Variants in PLCB1 observed in about 807,000 individuals in gnomAD.
PLCB1 encodes the protein phospholipase C beta 1, also known as 1-phosphatidylinositol 4,5-bisphosphate phosphodiesterase beta-1.
PLCB1 carries 46 observed loss-of-function variants against 161.8 expected under a neutral mutation model. The observed-to-expected ratio is 0.28, with a 90% CI of 0.22 to 0.36. The LOEUF is 0.36. Among genes scored for constraint, PLCB1 ranks in the 10% least tolerant of loss-of-function variants. The pLI, the probability that PLCB1 is intolerant of heterozygous loss-of-function variation, is 1.00. For missense variants in PLCB1, 1,016 were observed against 1,472.5 expected (o/e 0.69, Z 5.07); for synonymous variants, 517 against 503.7 (o/e 1.03, Z -0.35).
chr20:8,319,244 G>C (rs1374614179), intron 2 of PLCB1, among the ~76,000 whole-genome samples: 1 of 152,080 alleles, frequency 6.6e-6, no homozygotes, highest in East Asian at 1.9e-4. Flanking sequence ...AGTGGCTTAC[G>C]ATAATAAGCA....
chr20:8,638,004 T>A (rs1168456447), intron 4 of PLCB1, among the ~76,000 whole-genome samples: 1 of 152,206 alleles, frequency 6.6e-6, no homozygotes, highest in Non-Finnish European at 1.5e-5. Flanking sequence ...CCCGCCATTC[T>A]CCTGCCTCAG....
intron 7 of PLCB1, chr20:8,649,707 G>A (rs1989258384): frequency 3.9e-6 from 2 of 506,764 alleles, no homozygotes; most frequent in South Asian, 5.3e-5. Context: ...TGCCAAAGTG[G>A]AGAGTCCCCA....
intron 3 of PLCB1, among the ~76,000 whole-genome samples, chr20:8,398,919 T>G (rs963112736): frequency 3.3e-5 from 5 of 152,012 alleles, no homozygotes; most frequent in African/African-American, 7.2e-5. Context: ...GCTTTTGGTG[T>G]TTTTTTGTTG....
intron 1 of PLCB1, among the ~76,000 whole-genome samples, chr20:8,144,441 A>G (rs1176165980): frequency 6.6e-6 from 1 of 152,198 alleles, no homozygotes; most frequent in Admixed American, 6.5e-5. Context: ...GGAAGCCAGT[A>G]TCTTCACATT....
chr20:8,838,664 T>C (rs11697086), intron 31 of PLCB1, among the ~76,000 whole-genome samples: 39,485 of 151,900 alleles, frequency 0.26, 6,740 homozygotes, highest in East Asian at 0.63. Context: ...CAGTACCACA[T>C]TCCTGAAGGA....
intron 10 of PLCB1, among the ~76,000 whole-genome samples, chr20:8,695,232 A>G (rs1293695743): frequency 6.6e-6 from 1 of 152,210 alleles, no homozygotes; most frequent in African/African-American, 2.4e-5. Flanking sequence ...CAAAAATGTC[A>G]TCCTTTTGTT....
At chr20:8,311,340 A>G (rs1984392053) in intron 2 of PLCB1, among the ~76,000 whole-genome samples, 1 of 152,256 alleles carries the variant, frequency 6.6e-6, no homozygotes, top group African/African-American at 2.4e-5. Context: ...TTTAGAAATC[A>G]TGAATAGATA....
chr20:8,826,506 AAAAAG>A (rs1568614745), intron 31 of PLCB1, among the ~76,000 whole-genome samples: 4 of 151,566 alleles, frequency 2.6e-5, no homozygotes, highest in Non-Finnish European at 5.9e-5. Flanking sequence ...AAAAAAAAAA[AAAAAG>A]AAAAGAAAAG....
At chr20:8,802,417 G>T in intron 31 of PLCB1, 1 of 419,162 alleles carries the variant, frequency 2.4e-6, no homozygotes, top group Non-Finnish European at 4.1e-6. Context: ...CTTCCATATT[G>T]TCTTCTTCCT....
intron 2 of PLCB1, among the ~76,000 whole-genome samples, chr20:8,152,223 A>G (rs1026777944): frequency 1.4e-4 from 21 of 152,082 alleles, no homozygotes; most frequent in Admixed American, 9.2e-4. Flanking sequence ...TCTCTCAGTC[A>G]TTTATCAGAA....
intron 3 of PLCB1, among the ~76,000 whole-genome samples, chr20:8,521,933 T>TGTA (rs1984365608): frequency 1.3e-5 from 2 of 152,196 alleles, no homozygotes; most frequent in Non-Finnish European, 2.9e-5. Flanking sequence ...CCTTCTTTCT[T>TGTA]AACATCAGAT....
chr20:8,492,846 ATATGTG>A (rs1286891027), intron 3 of PLCB1, among the ~76,000 whole-genome samples: 3 of 95,236 alleles, frequency 3.2e-5, no homozygotes, highest in East Asian at 2.4e-4. Flanking sequence ...TTATATATAT[ATATGTG>A]TGTGTGTGTG....
intron 3 of PLCB1, among the ~76,000 whole-genome samples, chr20:8,512,965 G>A (rs546239567): frequency 4.6e-5 from 7 of 151,992 alleles, no homozygotes; most frequent in Non-Finnish European, 1.0e-4. Flanking sequence ...CTCTCCCAAC[G>A]TCTGGTAGCT....
intron 3 of PLCB1, among the ~76,000 whole-genome samples, chr20:8,417,050 CACACATAT>C (rs1451406386): frequency 1.3e-4 from 7 of 54,346 alleles, no homozygotes; most frequent in Non-Finnish European, 2.0e-4. Context: ...CACACACACA[CACACATAT>C]ATATATATAT....
rs184280391 is a variant in PLCB1 at position 8,854,845 on chromosome 20, A to G, written c.3424-26777A>G. Among the ~76,000 whole-genome samples, 3 of 152,336 alleles carry G rather than the reference A, an allele frequency of 2.0e-5. No homozygotes were observed. In the East Asian group the frequency reaches 5.8e-4, roughly 29 times the overall value. ...TGCTCTGAAGGGCTAAGAAGCCTTCACCGTTAGCCAAGACTCCTTCGTGCT... is the reference window on the plus strand; with the variant it reads ...TGCTCTGAAGGGCTAAGAAGCCTTCGCCGTTAGCCAAGACTCCTTCGTGCT... On this transcript the variant is annotated intron_variant, in intron 31 of 31. Coordinates refer to ENST00000338037, the MANE Select transcript of PLCB1 (RefSeq NM_015192.4).
At chr20:8,680,074 A>G (rs1460391771) in intron 9 of PLCB1, among the ~76,000 whole-genome samples, 6 of 152,120 alleles carry the variant, frequency 3.9e-5, no homozygotes, top group African/African-American at 1.4e-4. Context: ...AGAAAACTGG[A>G]TTTCTTGTGC....
At chr20:8,276,177 C>T (rs1982534988) in intron 2 of PLCB1, among the ~76,000 whole-genome samples, 1 of 152,090 alleles carries the variant, frequency 6.6e-6, no homozygotes, top group Admixed American at 6.6e-5. Flanking sequence ...AAGGTGTTTT[C>T]CTTTCCAAAA....
chr20:8,142,522 G>T (rs1367000389), intron 1 of PLCB1, among the ~76,000 whole-genome samples: 3 of 152,124 alleles, frequency 2.0e-5, no homozygotes, highest in Non-Finnish European at 4.4e-5. Flanking sequence ...ATTCAATATT[G>T]GTTGAAGGTG....
intron 3 of PLCB1, among the ~76,000 whole-genome samples, chr20:8,596,062 A>T (rs78569119): frequency 3.7e-4 from 55 of 149,680 alleles, no homozygotes; most frequent in African/African-American, 1.2e-3. Context: ...GCCTGTTCAC[A>T]CTGATGGTAG....
Sources: gnomAD v4.1 joint callset for allele counts (sites outside exome capture counted in the v4.1 genomes callset) on GRCh38, gnomAD v4.1.1 for gene constraint, MANE v1.5 for transcripts, NCBI Gene and HGNC (gene_info 2026-07-23, HGNC 2026-07-21) for gene names.